Variants in CSMD1 observed in about 807,000 individuals in gnomAD.
CSMD1 encodes CUB and sushi domain-containing protein 1.
Under a neutral mutation model 417.5 loss-of-function variants are expected in CSMD1, and 213 were observed. That is an observed-to-expected ratio of 0.51 (90% CI 0.46 to 0.57). The LOEUF (loss-of-function observed/expected upper bound fraction) is 0.57. Ranked by LOEUF, CSMD1 falls within the 20% of genes least tolerant of loss-of-function variation. The pLI is 0.00. For synonymous variants in CSMD1, 2,862 were observed against 1,736.8 expected (o/e 1.65, Z -16.11); for missense variants, 6,923 against 4,529.7 (o/e 1.53, Z -15.17).
intron 3 of CSMD1, among the ~76,000 whole-genome samples, chr8:4,396,363 A>C (rs1023205103): frequency 1.3e-5 from 2 of 151,808 alleles, no homozygotes; most frequent in African/African-American, 2.4e-5. Flanking sequence ...GCTACTCAGG[A>C]AGCTGAGGCA....
intron 26 of CSMD1, among the ~76,000 whole-genome samples, chr8:3,280,622 C>T (rs78637374): frequency 0.025 from 3,865 of 152,144 alleles, 167 homozygotes; most frequent in African/African-American, 0.087. Context: ...CCAAGTGTTA[C>T]GTGAAACCAT....
intron 5 of CSMD1, among the ~76,000 whole-genome samples, chr8:3,984,703 TCATATA>T (rs1224523282): frequency 1.5e-5 from 1 of 65,500 alleles, no homozygotes; most frequent in African/African-American, 5.9e-5. Context: ...AGTGTATATA[TCATATA>T]TATATATATA....
chr8:4,320,930 T>A lies in CSMD1; in HGVS notation c.415+99023A>T, dbSNP rs1232160106. On this transcript the variant is annotated intron_variant, in intron 3 of 69. Transcript: ENST00000635120. Reference sequence around the variant, plus strand: ...ATAGTATCTTCTTCTTTGTATCCTCTCCTCCCAGTGTGAGGTCCTAGCCAC... The same window carrying A: ...ATAGTATCTTCTTCTTTGTATCCTCACCTCCCAGTGTGAGGTCCTAGCCAC... Among the ~76,000 whole-genome samples, 4 of 152,252 alleles carry A rather than the reference T, an allele frequency of 2.6e-5. No individual in the cohort carries two copies. In the South Asian group the frequency reaches 8.3e-4, roughly 32 times the overall value.
chr8:3,710,152 T>C (rs5003044), intron 6 of CSMD1, among the ~76,000 whole-genome samples: 50,005 of 151,840 alleles, frequency 0.33, 8,383 homozygotes, highest in East Asian at 0.49. Context: ...TTTTAGGCTA[T>C]AAGAGTTGTC....
At chr8:3,091,041 T>C (rs1444529014) in intron 48 of CSMD1, among the ~76,000 whole-genome samples, 1 of 152,070 alleles carries the variant, frequency 6.6e-6, no homozygotes, top group Non-Finnish European at 1.5e-5. Flanking sequence ...TTATTATGTA[T>C]ATGGTTATTT....
intron 26 of CSMD1, among the ~76,000 whole-genome samples, chr8:3,273,463 G>A (rs560627282): frequency 2.6e-4 from 39 of 148,268 alleles, no homozygotes; most frequent in African/African-American, 9.1e-4. Context: ...AGTTAGGGAG[G>A]ATTCCCTCTT....
At chr8:3,114,699 T>C (rs1816748642) in intron 42 of CSMD1, among the ~76,000 whole-genome samples, 1 of 151,934 alleles carries the variant, frequency 6.6e-6, no homozygotes, top group Non-Finnish European at 1.5e-5. Flanking sequence ...GGAGACAGAG[T>C]TGCATTCTTT....
At chr8:4,172,287 A>G (rs1394034938) in intron 3 of CSMD1, among the ~76,000 whole-genome samples, 1 of 152,190 alleles carries the variant, frequency 6.6e-6, no homozygotes, top group Non-Finnish European at 1.5e-5. Context: ...TCCTCTTGCA[A>G]TGCAGTAACC....
intron 12 of CSMD1, among the ~76,000 whole-genome samples, chr8:3,436,397 G>C (rs1013098469): frequency 2.0e-5 from 3 of 152,140 alleles, no homozygotes; most frequent in African/African-American, 7.2e-5. Context: ...TGATTAGAAT[G>C]TAAAATCTGT....
In CSMD1 at chr8:2,965,855, T is replaced by C; in HGVS notation, c.9200A>G (p.Tyr3067Cys). ...GGCGGATGTGACTGCTTCCATGACA[T>C]AGCCTGGGTTACACTGATAGCTCAC... ...KTVSYQCNPGYVMEAVTSATI... is the reference protein window; with the variant it reads ...KTVSYQCNPGCVMEAVTSATI... Residue 3067 changes from tyrosine (Y) to cysteine (C), a missense_variant, in exon 59 of 70, where the codon TAT becomes TGT. Physicochemically the swap from Tyr to Cys is radical, Grantham distance 194. Coordinates refer to ENST00000635120, the MANE Select transcript of CSMD1 (RefSeq NM_033225.6). 2 of 1,609,488 alleles carry C rather than the reference T, an allele frequency of 1.2e-6. No individual in the cohort carries two copies. Among genetic ancestry groups the C allele is most frequent in the East Asian group, 2.2e-5 (1 of 44,708 alleles).
At chr8:4,798,757 G>C (rs1015972799) in intron 1 of CSMD1, among the ~76,000 whole-genome samples, 4 of 152,144 alleles carry the variant, frequency 2.6e-5, no homozygotes, top group Non-Finnish European at 4.4e-5. Context: ...GTAACATTAT[G>C]CTGATAAAAA....
intron 10 of CSMD1, among the ~76,000 whole-genome samples, chr8:3,568,906 C>T (rs185414197): frequency 1.0e-3 from 155 of 152,010 alleles, no homozygotes; most frequent in Admixed American, 2.0e-3. Flanking sequence ...AATGAAGACC[C>T]CAGGGATAAA....
chr8:4,951,771 TC>T (rs1808765428), intron 1 of CSMD1, among the ~76,000 whole-genome samples: 2 of 151,732 alleles, frequency 1.3e-5, no homozygotes, highest in African/African-American at 4.8e-5. Context: ...CCCCTACCTT[TC>T]CTTAATATCT....
At chr8:3,215,916 C>T (rs967505492) in intron 29 of CSMD1, among the ~76,000 whole-genome samples, 3 of 151,182 alleles carry the variant, frequency 2.0e-5, no homozygotes, top group Non-Finnish European at 3.0e-5. Flanking sequence ...TAATCATCAA[C>T]CAAACAGAGA....
chr8:4,130,632 CT>C (rs1186444178), intron 3 of CSMD1, among the ~76,000 whole-genome samples: 6 of 152,104 alleles, frequency 3.9e-5, no homozygotes, highest in African/African-American at 1.2e-4. Flanking sequence ...TTAATTTGTC[CT>C]TGTGAACTTG....
chr8:4,673,127 C>A (rs1272186436), intron 1 of CSMD1, among the ~76,000 whole-genome samples: 1 of 151,896 alleles, frequency 6.6e-6, no homozygotes, highest in Admixed American at 6.6e-5. Context: ...ACATCTGTAG[C>A]AAACTGAGGA....
intron 1 of CSMD1, among the ~76,000 whole-genome samples, chr8:4,859,547 T>C (rs1315624796): frequency 2.0e-5 from 3 of 151,770 alleles, no homozygotes; most frequent in African/African-American, 7.3e-5. Context: ...TACAATGAAC[T>C]CAAACAAATT....
At chr8:3,615,112 C>G (rs1465211212) in intron 8 of CSMD1, among the ~76,000 whole-genome samples, 1 of 152,118 alleles carries the variant, frequency 6.6e-6, no homozygotes, top group Non-Finnish European at 1.5e-5. Context: ...AACCAGCATC[C>G]TTCTGTTAGC....
intron 3 of CSMD1, among the ~76,000 whole-genome samples, chr8:4,093,607 A>G (rs1329511124): frequency 6.6e-6 from 1 of 152,176 alleles, no homozygotes; most frequent in Non-Finnish European, 1.5e-5. Context: ...CTTTTTCCCT[A>G]TTTGAAAGTC....
Sources: allele counts gnomAD v4.1 joint callset (sites outside exome capture counted in the v4.1 genomes callset), GRCh38; gene constraint gnomAD v4.1.1; transcripts MANE v1.5; gene names NCBI Gene and HGNC (gene_info 2026-07-23, HGNC 2026-07-21).